The following GALNT11 variants were observed in gnomAD, a reference collection of about 807,000 sequenced individuals.
GALNT11 encodes UDP-GalNAc:polypeptide N-acetylgalactosaminyltransferase 11.
GALNT11 carries 47 observed loss-of-function variants against 72.7 expected under a neutral mutation model. That is an observed-to-expected ratio of 0.65 (90% CI 0.51 to 0.82). The LOEUF is 0.82. GALNT11 is among the 40% of genes least tolerant of loss of function. The pLI is 0.00. For synonymous variants in GALNT11, 270 were observed against 286.6 expected (o/e 0.94, Z 0.58); for missense variants, 677 against 778.4 (o/e 0.87, Z 1.55).
intron 1 of GALNT11, among the ~76,000 whole-genome samples, chr7:152,076,907 G>A (rs1373831492): frequency 6.6e-6 from 1 of 152,188 alleles, no homozygotes; most frequent in African/African-American, 2.4e-5. Flanking sequence ...TACAGTTCAC[G>A]ATGTATGGAG....
chr7:152,031,287 A>G (rs985962245), intron 1 of GALNT11, among the ~76,000 whole-genome samples: 10 of 152,260 alleles, frequency 6.6e-5, no homozygotes, highest in African/African-American at 2.4e-4. Context: ...AGCTAAGGGG[A>G]CTTATAAGAG....
intron 8 of GALNT11, chr7:152,116,797 C>A: frequency 2.4e-6 from 1 of 412,200 alleles, no homozygotes; most frequent in Non-Finnish European, 4.7e-6. Context: ...AAAGCAGTGT[C>A]ACTGTTCTCA....
chr7:152,090,003 A>G (rs1376617353), intron 1 of GALNT11, among the ~76,000 whole-genome samples: 1 of 152,182 alleles, frequency 6.6e-6, no homozygotes, highest in Non-Finnish European at 1.5e-5. Flanking sequence ...AACTACACCT[A>G]CATTTCTGTG....
intron 1 of GALNT11, among the ~76,000 whole-genome samples, chr7:152,072,350 T>C (rs533536622): frequency 1.3e-5 from 2 of 151,624 alleles, no homozygotes; most frequent in Non-Finnish European, 1.5e-5. Flanking sequence ...GAAATTCTAA[T>C]GTGTAGAAAG....
intron 8 of GALNT11, among the ~76,000 whole-genome samples, chr7:152,114,585 A>T (rs1186626469): frequency 6.7e-6 from 1 of 149,608 alleles, no homozygotes; most frequent in Non-Finnish European, 1.5e-5. Flanking sequence ...TTTGAGACAG[A>T]GTTTCACTCT....
At chr7:152,113,489 C>A in intron 8 of GALNT11, 91 bp downstream of exon 8, 2 of 1,449,058 alleles carry the variant, frequency 1.4e-6, no homozygotes, top group Non-Finnish European at 1.9e-6. Flanking sequence ...TTCACTCTGG[C>A]ATATTTCTCT....
At chr7:152,072,314 CAA>C (rs754741694) in intron 1 of GALNT11, among the ~76,000 whole-genome samples, 7 of 62,280 alleles carry the variant, frequency 1.1e-4, no homozygotes, top group Admixed American at 1.7e-4. Flanking sequence ...GACTCCGTCT[CAA>C]AAAAAAAAAA....
Position 152,118,735 on chromosome 7 carries a change from G to C in GALNT11, c.1510G>C (p.Gly504Arg). The C allele has an allele frequency of 1.2e-6, 2 of 1,611,946 alleles. No individual in the cohort carries two copies. Among genetic ancestry groups the C allele is most frequent in the Non-Finnish European group, 1.7e-6 (2 of 1,179,252 alleles). ...LVAQGRPSQKGGLVVLKACDY... is the reference protein window; with the variant it reads ...LVAQGRPSQKRGLVVLKACDY... ...GGCCCAGGGCCGCCCAAGTCAGAAG[G>C]GAGGTCTCGTGGTGCTTAAGGCCTG... is the stretch of plus-strand genomic sequence containing the variant. Residue 504 changes from glycine to arginine, a missense_variant, in exon 10 of 12, where the codon GGA (glycine) becomes CGA (arginine). By Grantham distance (125) the Gly-to-Arg change is moderately radical. Coordinates refer to ENST00000430044, the MANE Select transcript of GALNT11 (RefSeq NM_022087.4).
At chr7:152,052,210 A>G (rs1278279776) in intron 1 of GALNT11, among the ~76,000 whole-genome samples, 1 of 152,146 alleles carries the variant, frequency 6.6e-6, no homozygotes. Context: ...TGGCTGAATA[A>G]TATTCCATTG....
intron 2 of GALNT11, among the ~76,000 whole-genome samples, chr7:152,099,756 CTTTTT>C (rs959548417): frequency 1.1e-5 from 1 of 88,728 alleles, no homozygotes; most frequent in African/African-American, 4.9e-5. Flanking sequence ...AACTGTGAAG[CTTTTT>C]TTTTTTTTTT....
chr7:152,114,416 T>C (rs988084728), intron 8 of GALNT11, among the ~76,000 whole-genome samples: 19 of 152,226 alleles, frequency 1.2e-4, no homozygotes, highest in Non-Finnish European at 8.8e-5. Context: ...GTCTGGCTTC[T>C]TCAGTTGAGC....
At chr7:152,107,561 C>A (rs1328753616) in intron 5 of GALNT11, 1 of 155,588 alleles carries the variant, frequency 6.4e-6, no homozygotes, top group Non-Finnish European at 1.4e-5. Context: ...CAGCTGTGTT[C>A]TCTGTACTCT....
chr7:152,042,154 G>T (rs1387803413), intron 1 of GALNT11, among the ~76,000 whole-genome samples: 2 of 152,194 alleles, frequency 1.3e-5, no homozygotes, highest in East Asian at 3.8e-4. Flanking sequence ...TTAAGCTGCA[G>T]ATTGTTTACT....
chr7:152,048,348 G>A (rs989477045), intron 1 of GALNT11, among the ~76,000 whole-genome samples: 2 of 151,754 alleles, frequency 1.3e-5, no homozygotes, highest in Admixed American at 6.6e-5. Flanking sequence ...TGACCTTTGG[G>A]AGTTTGATTG....
chr7:152,084,392 A>C (rs1216498732), intron 1 of GALNT11, among the ~76,000 whole-genome samples: 2 of 151,622 alleles, frequency 1.3e-5, no homozygotes, highest in African/African-American at 4.8e-5. Context: ...AAAAAAAAAA[A>C]AAAAAAAAAA....
At chr7:152,113,455 A>G in intron 8 of GALNT11, 57 bp downstream of exon 8, 1 of 1,583,224 alleles carries the variant, frequency 6.3e-7, no homozygotes. Context: ...TGACTGGCCT[A>G]GTGATAGCTT....
At chr7:152,099,779 T>TG (rs2086691375) in intron 2 of GALNT11, among the ~76,000 whole-genome samples, 3 of 131,906 alleles carry the variant, frequency 2.3e-5, no homozygotes, top group South Asian at 5.2e-4. Flanking sequence ...TTTTTTTTTT[T>TG]GAAAAGACAG....
At chr7:152,064,910 T>C (rs530378943) in intron 1 of GALNT11, among the ~76,000 whole-genome samples, 1 of 152,238 alleles carries the variant, frequency 6.6e-6, no homozygotes, top group Non-Finnish European at 1.5e-5. Context: ...TCAAATTTGG[T>C]GAATCCGCCA....
intron 1 of GALNT11, among the ~76,000 whole-genome samples, chr7:152,067,455 G>A (rs970971119): frequency 6.6e-6 from 1 of 152,178 alleles, no homozygotes; most frequent in Non-Finnish European, 1.5e-5. Context: ...ATTTAGGGAC[G>A]TTTATTTTAT....
Sources: gnomAD v4.1 joint callset for allele counts (sites outside exome capture counted in the v4.1 genomes callset) on GRCh38, gnomAD v4.1.1 for gene constraint, MANE v1.5 for transcripts, NCBI Gene and HGNC (gene_info 2026-07-23, HGNC 2026-07-21) for gene names.